Variants in C4BPA observed in about 807,000 individuals in gnomAD.
C4BPA encodes complement component 4 binding protein alpha.
In C4BPA, 31 loss-of-function variants were observed where a neutral mutation model predicts 63.7. The ratio of observed to expected loss-of-function variants is 0.49; its 90% CI spans 0.37 to 0.66. C4BPA has a LOEUF of 0.66. Ranked by LOEUF, C4BPA falls within the 30% of genes least tolerant of loss-of-function variation. The pLI is 0.00. For missense variants in C4BPA, 572 were observed against 723.3 expected, an observed-to-expected ratio of 0.79 and a Z score of 2.40; for synonymous variants, 259 against 254.7, an observed-to-expected ratio of 1.02 and a Z score of -0.16.
intron 7 of C4BPA, among the ~76,000 whole-genome samples, chr1:207,130,282 A>T (rs1159403532): frequency 6.6e-6 from 1 of 152,208 alleles, no homozygotes; most frequent in Non-Finnish European, 1.5e-5. Flanking sequence ...TGGCTGTAAT[A>T]AAAAAGATAG....
intron 1 of C4BPA, among the ~76,000 whole-genome samples, chr1:207,112,507 T>G (rs1684691211): frequency 1.3e-5 from 2 of 152,172 alleles, no homozygotes; most frequent in South Asian, 4.1e-4. Context: ...CATAATGATC[T>G]TAAAGCATAA....
rs548541174 is a variant in C4BPA, at chr1:207,114,352, AT to A, written c.328+71del. 2.3e-4 allele frequency: 281 copies of A among 1,241,630 alleles called. No individual in the cohort carries two copies. In the African/African-American group the frequency reaches 3.6e-3, roughly 16 times the overall value. The allele number at this position is 1,241,630 out of a possible 1,614,324, so 76.9% of individuals were successfully genotyped here. On this transcript the variant is annotated intron_variant, in intron 3 of 11. Transcript: ENST00000367070. ...TTTGGAAAGTTGTCTCAGAAACTAA[AT>A]TTTCTGAATCTTTAGTCACCAAGAA...
intron 1 of C4BPA, among the ~76,000 whole-genome samples, chr1:207,110,528 G>A (rs1012911530): frequency 4.6e-5 from 7 of 152,178 alleles, no homozygotes; most frequent in African/African-American, 1.7e-4. Context: ...GGTGGCTTAT[G>A]CCTGTAATCC....
At chr1:207,135,051 A>C (rs1267075079) in intron 9 of C4BPA, among the ~76,000 whole-genome samples, 1 of 152,118 alleles carries the variant, frequency 6.6e-6, no homozygotes, top group Non-Finnish European at 1.5e-5. Context: ...AAAAGGCTCA[A>C]GTGGGCCAGG....
At chr1:207,123,037 T>G (rs1684952058) in intron 4 of C4BPA, among the ~76,000 whole-genome samples, 1 of 152,192 alleles carries the variant, frequency 6.6e-6, no homozygotes, top group East Asian at 1.9e-4. Flanking sequence ...TTTTATCCTC[T>G]GTTTTCCTTA....
At chr1:207,107,199 G>C (rs1030695491) in intron 1 of C4BPA, among the ~76,000 whole-genome samples, 1 of 152,188 alleles carries the variant, frequency 6.6e-6, no homozygotes, top group Non-Finnish European at 1.5e-5. Context: ...AGAAGTTGGA[G>C]GTAAGAGCAT....
chr1:207,107,418 A>T (rs1173791593), intron 1 of C4BPA, among the ~76,000 whole-genome samples: 3 of 152,138 alleles, frequency 2.0e-5, no homozygotes, highest in African/African-American at 7.2e-5. Flanking sequence ...GTGTGATGGC[A>T]CGCTCCTGTG....
chr1:207,124,057 A>C (rs1479753708), intron 5 of C4BPA, 50 bp downstream of exon 5: 1 of 1,505,674 alleles, frequency 6.6e-7, no homozygotes, highest in Non-Finnish European at 9.2e-7. Context: ...TCTGTTAGGT[A>C]ATAAAGTCCC....
intron 8 of C4BPA, among the ~76,000 whole-genome samples, chr1:207,132,104 G>A (rs1400697723): frequency 6.6e-6 from 1 of 152,156 alleles, no homozygotes; most frequent in Non-Finnish European, 1.5e-5. Context: ...GCTTTGGGGT[G>A]TTTGGCAGAA....
intron 1 of C4BPA, among the ~76,000 whole-genome samples, chr1:207,106,471 G>A (rs1457397575): frequency 1.9e-5 from 2 of 103,710 alleles, no homozygotes; most frequent in African/African-American, 1.1e-4. Flanking sequence ...ACGGAGTCTC[G>A]CTTTGTTGCC....
intron 4 of C4BPA, 107 bp from the exon 5 acceptor site, chr1:207,123,815 T>G: frequency 6.0e-6 from 4 of 669,894 alleles, no homozygotes; most frequent in Non-Finnish European, 1.0e-5. Flanking sequence ...CAAGAACATA[T>G]GATTTCCTTA....
At chr1:207,114,975 A>T (rs529946590) in intron 3 of C4BPA, among the ~76,000 whole-genome samples, 49 of 152,334 alleles carry the variant, frequency 3.2e-4, no homozygotes, top group Admixed American at 3.1e-3. Context: ...CTGTGTTTTG[A>T]AGAAAAGTTA....
At position 207,113,114 on chromosome 1, in the gene C4BPA, A is replaced by T; in HGVS notation, c.89A>T (p.Asp30Val). ...WPFSRLWKVS[D>V]PILFQMTLIA... Reference sequence around the variant, plus strand: ...TTCTCCAGGCTGTGGAAAGTCTCTGATCCAATTCTCTTCCAAATGACCTTG... The same window carrying T: ...TTCTCCAGGCTGTGGAAAGTCTCTGTTCCAATTCTCTTCCAAATGACCTTG... Residue 30 changes from aspartate to valine, a missense_variant, in exon 2 of 12, where the codon GAT becomes GTT. Transcript: ENST00000367070. The T allele has an allele frequency of 6.2e-7, 1 of 1,610,924 alleles. No homozygotes were observed.
At chr1:207,114,074 G>C (rs779259212) in intron 2 of C4BPA, 26 bp from the exon 3 acceptor site, 12 of 1,598,698 alleles carry the variant, frequency 7.5e-6, no homozygotes, top group Non-Finnish European at 1.0e-5. Flanking sequence ...ATAAGTTTTG[G>C]TGCTCCTTCT....
intron 9 of C4BPA, among the ~76,000 whole-genome samples, chr1:207,136,205 A>T (rs143493302): frequency 5.9e-4 from 90 of 152,316 alleles, no homozygotes; most frequent in African/African-American, 2.1e-3. Context: ...GTGGGAGCCC[A>T]TGCTGTTGGG....
chr1:207,124,945 A>G (rs530562527), intron 6 of C4BPA, among the ~76,000 whole-genome samples: 1 of 152,344 alleles, frequency 6.6e-6, no homozygotes, highest in East Asian at 1.9e-4. Flanking sequence ...TGAAAATATA[A>G]TTTGCACCTA....
At chr1:207,139,044 T>C (rs947846557) in intron 9 of C4BPA, among the ~76,000 whole-genome samples, 1 of 152,180 alleles carries the variant, frequency 6.6e-6, no homozygotes, top group Middle Eastern at 3.2e-3. Flanking sequence ...TCAAGATATA[T>C]TCAGACTCTA....
chr1:207,136,054 C>T (rs996796919), intron 9 of C4BPA, among the ~76,000 whole-genome samples: 1 of 152,200 alleles, frequency 6.6e-6, no homozygotes, highest in African/African-American at 2.4e-5. Context: ...CACTTCTCTT[C>T]CTTTCATGGT....
chr1:207,129,876 A>G (rs1265607477), intron 7 of C4BPA, among the ~76,000 whole-genome samples: 1 of 152,070 alleles, frequency 6.6e-6, no homozygotes, highest in African/African-American at 2.4e-5. Context: ...CTTATTCTTC[A>G]TTTCTGGCGC....
Sources: allele counts gnomAD v4.1 joint callset (sites outside exome capture counted in the v4.1 genomes callset), GRCh38; gene constraint gnomAD v4.1.1; transcripts MANE v1.5; gene names NCBI Gene and HGNC (gene_info 2026-07-23, HGNC 2026-07-21).